ZNF362: variants seen among roughly 807,000 people sequenced by gnomAD.
ZNF362 encodes zinc finger protein 362.
Under a neutral mutation model 42.9 loss-of-function variants are expected in ZNF362, and 11 were observed. That is an observed-to-expected ratio of 0.26 (90% CI 0.16 to 0.42). The LOEUF (loss-of-function observed/expected upper bound fraction) is 0.42. ZNF362 is among the 20% of genes least tolerant of loss of function. The pLI is 1.00. For missense variants in ZNF362, 362 were observed against 576.2 expected (o/e 0.63, Z 3.81); for synonymous variants, 255 against 257.3 (o/e 0.99, Z 0.09).
the ZNF362 span, among the ~76,000 whole-genome samples, chr1:33,170,425 T>C: frequency 5.7e-4 from 86 of 151,866 alleles, 1 homozygote; most frequent in African/African-American, 2.0e-3. Flanking sequence ...CCCCACTAGA[T>C]TATGGGCTCT....
At chr1:33,144,788 C>A in the ZNF362 span, among the ~76,000 whole-genome samples, 1 of 152,128 alleles carries the variant, frequency 6.6e-6, no homozygotes, top group African/African-American at 2.4e-5. Flanking sequence ...CTAGGTGGTT[C>A]CATACCCGTC....
chr1:33,232,920 T>C, the ZNF362 span, among the ~76,000 whole-genome samples: 2 of 152,322 alleles, frequency 1.3e-5, no homozygotes, highest in African/African-American at 4.8e-5. Context: ...TTTGTAAGGT[T>C]CTTACTACAA....
chr1:33,198,510 T>C, the ZNF362 span, among the ~76,000 whole-genome samples: 1 of 151,916 alleles, frequency 6.6e-6, no homozygotes, highest in African/African-American at 2.4e-5. Context: ...CTGCAAAAAA[T>C]ACAAAAATTA....
the ZNF362 span, among the ~76,000 whole-genome samples, chr1:33,209,174 T>A: frequency 6.6e-6 from 1 of 152,234 alleles, no homozygotes; most frequent in Non-Finnish European, 1.5e-5. Flanking sequence ...TCTATTGAGA[T>A]AATCATGTGG....
the ZNF362 span, among the ~76,000 whole-genome samples, chr1:33,174,956 TATATATATATATACACAC>T: frequency 4.6e-4 from 66 of 142,842 alleles, no homozygotes; most frequent in African/African-American, 1.7e-3. Flanking sequence ...TATATATATA[TATATATATATATACACAC>T]ATATACATAT....
chr1:33,156,729 T>C, the ZNF362 span, among the ~76,000 whole-genome samples: 1 of 152,184 alleles, frequency 6.6e-6, no homozygotes, highest in Non-Finnish European at 1.5e-5. Flanking sequence ...TGGCTTGTCA[T>C]CCCTACTGCC....
chr1:33,221,675 C>G, the ZNF362 span, among the ~76,000 whole-genome samples: 85 of 152,320 alleles, frequency 5.6e-4, no homozygotes, highest in African/African-American at 1.9e-3. Flanking sequence ...AATGTCAGAG[C>G]CAGGTACTGG....
chr1:33,217,393 A>G, the ZNF362 span, among the ~76,000 whole-genome samples: 1 of 152,144 alleles, frequency 6.6e-6, no homozygotes, highest in Non-Finnish European at 1.5e-5. Flanking sequence ...CTCCTGCCTC[A>G]CACAGAGGGT....
At chr1:33,176,690 C>A in the ZNF362 span, 1 of 408,442 alleles carries the variant, frequency 2.4e-6, no homozygotes, top group Admixed American at 4.0e-5. Context: ...TTACCCAGCC[C>A]TCAGAGGTAG....
the ZNF362 span, among the ~76,000 whole-genome samples, chr1:33,149,013 G>A: frequency 6.6e-6 from 1 of 152,114 alleles, no homozygotes; most frequent in African/African-American, 2.4e-5. Context: ...CTGCTTACAC[G>A]GTTCCCTCCA....
At chr1:33,165,564 C>G in the ZNF362 span, 2 of 1,605,868 alleles carry the variant, frequency 1.2e-6, no homozygotes, top group Non-Finnish European at 1.7e-6. The surrounding 1 kb of genome is among the most constrained non-coding windows in gnomAD (Gnocchi z 4.0). Flanking sequence ...CCTTCAGCTC[C>G]CTCTGAAACA....
the ZNF362 span, among the ~76,000 whole-genome samples, chr1:33,194,150 G>A: frequency 1.3e-5 from 2 of 152,126 alleles, no homozygotes; most frequent in African/African-American, 4.8e-5. Context: ...GATGGAGAGA[G>A]AGAATTAGTA....
the ZNF362 span, chr1:33,142,636 CA>C: frequency 6.6e-6 from 1 of 152,246 alleles, no homozygotes; most frequent in African/African-American, 2.4e-5. Flanking sequence ...GCTTGGCTCA[CA>C]ATTGAGACTT....
At chr1:33,196,959 G>A in the ZNF362 span, among the ~76,000 whole-genome samples, 5 of 152,304 alleles carry the variant, frequency 3.3e-5, no homozygotes, top group Non-Finnish European at 5.9e-5. Context: ...TGGTGGACTG[G>A]GAGAGGAAGA....
chr1:33,258,807 G>T (rs540923651), intron 1 of ZNF362, among the ~76,000 whole-genome samples: 1 of 152,248 alleles, frequency 6.6e-6, no homozygotes, highest in African/African-American at 2.4e-5. Flanking sequence ...ATCACATCAG[G>T]TTCTCCCAGA....
chr1:33,181,237 G>T, the ZNF362 span: 1 of 1,561,054 alleles, frequency 6.4e-7, no homozygotes. This position sits in a 1 kb window ranked among gnomAD's most constrained non-coding sequence, Gnocchi z 6.5. Flanking sequence ...GCCAGCTTGA[G>T]GCTGGGCGCC....
the ZNF362 span, among the ~76,000 whole-genome samples, chr1:33,243,105 G>A: frequency 7.8e-6 from 1 of 129,030 alleles, no homozygotes; most frequent in Non-Finnish European, 1.7e-5. Context: ...CACCACAACT[G>A]TTATTATGTT....
At chr1:33,138,585 CTG>C in the ZNF362 span, among the ~76,000 whole-genome samples, 1 of 144,610 alleles carries the variant, frequency 6.9e-6, no homozygotes, top group Non-Finnish European at 1.5e-5. Flanking sequence ...GCATTCCAGT[CTG>C]GGTGACAGAG....
rs551823230 is a variant in ZNF362 at position 33,276,266 on chromosome 1, G to T, written c.103-82G>T. The T allele has an allele frequency of 2.7e-5, 43 of 1,567,300 alleles. No individual in the cohort carries two copies. The African/African-American group carries it at 4.2e-4, about 15-fold the overall frequency. ...TGCGGGGAGCGGGGTGAGGAGCGAG[G>T]GGCTCGCGGGTGGACCAGCGGGCCT... On this transcript the variant is annotated intron_variant, in intron 3 of 8. Coordinates refer to ENST00000539719, the MANE Select transcript of ZNF362 (RefSeq NM_152493.3).
Sources: allele counts gnomAD v4.1 joint callset (sites outside exome capture counted in the v4.1 genomes callset), GRCh38; gene constraint gnomAD v4.1.1; non-coding constraint Gnocchi (gnomAD v3.1); transcripts MANE v1.5; gene names NCBI Gene and HGNC (gene_info 2026-07-23, HGNC 2026-07-21).